Variants in VARS2 observed in about 807,000 individuals in gnomAD.
The protein encoded by VARS2 is valine--tRNA ligase, mitochondrial.
A neutral mutation model predicts 154.1 loss-of-function variants in VARS2; 105 were observed. The ratio of observed to expected loss-of-function variants is 0.68; its 90% CI spans 0.58 to 0.80. The LOEUF (loss-of-function observed/expected upper bound fraction) is 0.80, where lower values mean the gene tolerates loss of function less well. Among genes scored for constraint, VARS2 ranks in the 30% least tolerant of loss-of-function variants. The probability of loss-of-function intolerance (pLI) is 0.00; values close to 1 mark genes in which losing one functional copy is unlikely to be tolerated. For missense variants in VARS2, 1,157 were observed against 1,361.4 expected, an observed-to-expected ratio of 0.85 and a Z score of 2.36; for synonymous variants, 483 against 539.5, an observed-to-expected ratio of 0.90 and a Z score of 1.45.
rs772838927 is a variant in VARS2 at position 30,914,918 on chromosome 6, G to A, written c.82G>A (p.Val28Ile). 2.7e-5 allele frequency: 44 copies of A among 1,612,858 alleles called. No homozygotes were observed. Among genetic ancestry groups the A allele is most frequent in the Non-Finnish European group, 3.6e-5 (43 of 1,180,024 alleles). ...ACGGGGCCTCCCCAGGTTTCACTCC[G>A]TTTCTACACAGTCGGAGCCCCATGG... The part of the protein sequence containing the change: ...HSRGLPRFHS[V>I]STQSEPHGSP... The change falls in exon 2 of 30, where the codon GTT becomes ATT. Residue 28 changes from valine (V) to isoleucine (I), a missense_variant. Val to Ile is a conservative substitution (Grantham distance 29). Coordinates refer to ENST00000676266, the MANE Select transcript of VARS2 (RefSeq NM_020442.6).
intron 2 of VARS2, 46 bp downstream of exon 2, chr6:30,915,083 G>GGGCTGGAGGAGACC (rs1204668343): frequency 6.8e-6 from 11 of 1,610,812 alleles, no homozygotes; most frequent in African/African-American, 2.7e-5. Flanking sequence ...GACTTGAGAG[G>GGGCTGGAGGAGACC]GGCTGGAGGA....
rs2150567033 is a variant in VARS2, at chr6:30,923,479, C to T, written c.2440C>T (p.Leu814Phe). 1 of 1,611,802 alleles carries T rather than the reference C, an allele frequency of 6.2e-7. No individual in the cohort carries two copies. The highest frequency in any genetic ancestry group is 1.3e-5 in the African/African-American group (1 of 75,070). Residue 814 changes from leucine (L) to phenylalanine (F), a missense_variant, in exon 25 of 30, where the codon CTT becomes TTT. Physicochemically the swap from Leu to Phe is conservative, Grantham distance 22. Transcript: ENST00000676266. ...LVTHALHHFW[L>F]HNLCDVYLEA... is the part of the protein sequence containing the mutation. ...CACTCATGCCCTGCACCACTTCTGG[C>T]TTCACAACCTCTGTGACGTCTACCT...
At position 30,920,362 on chromosome 6, in the gene VARS2, G is replaced by A; in HGVS notation, c.1323G>A (p.Lys441=). 2 of 1,613,280 alleles carry A rather than the reference G, an allele frequency of 1.2e-6. No homozygotes were observed. Among genetic ancestry groups the A allele is most frequent in the Non-Finnish European group, 1.7e-6 (2 of 1,179,674 alleles). ...TTCACCGGTTTGTGGCCCGGGAAAA[G>A]ATAATGTCTGTGCTGAGTGAATGGG... ...QGLHRFVARE[K]IMSVLSEWGL... Residue 441 remains lysine (K), a synonymous_variant, in exon 14 of 30, where the codon AAG becomes AAA. Transcript: ENST00000676266. The surrounding 1 kb of genome is among the most constrained non-coding windows in gnomAD (Gnocchi z 4.6).
At position 30,925,879 on chromosome 6, in the gene VARS2, G is replaced by A. The variant is rs1794805438; in HGVS notation, c.2962-1G>A. The A allele has an allele frequency of 6.2e-7, 1 of 1,612,606 alleles. No homozygotes were observed. The highest frequency in any genetic ancestry group is 1.3e-5 in the African/African-American group (1 of 74,926). ...AGCCTTTTCTCCCTGTTCTTCCCCA[G>A]GGCCTGGTGGACCCGCAGATCCAGC... On this transcript the variant is annotated splice_acceptor_variant, in intron 28 of 29. Transcript: ENST00000676266. LOFTEE classifies it high-confidence loss of function.
At chr6:30,918,654 A>C in intron 10 of VARS2, 173 bp from the exon 11 acceptor site, 1 of 559,324 alleles carries the variant, frequency 1.8e-6, no homozygotes, top group Non-Finnish European at 3.3e-6. Flanking sequence ...CTTATGGGAA[A>C]CCCTGGGTTC....
chr6:30,917,721 C>T lies in VARS2; in HGVS notation c.900C>T (p.His300=). Reference sequence around the variant, plus strand: ...TGGAGAACCGGCCCCTGCCTGGCCACACACAGCTTCGACTGCCTGGCTGCC... The same window carrying T: ...TGGAGAACCGGCCCCTGCCTGGCCATACACAGCTTCGACTGCCTGGCTGCC... ...IEVENRPLPG[H]TQLRLPGCPT... is the part of the protein sequence containing the mutation. Residue 300 remains histidine, a synonymous_variant, in exon 10 of 30, where the codon CAC becomes CAT. Transcript: ENST00000676266. The surrounding 1 kb of genome is among the most constrained non-coding windows in gnomAD (Gnocchi z 4.4). 1.3e-6 allele frequency: 2 copies of T among 1,565,682 alleles called. No homozygotes were observed. Among genetic ancestry groups the T allele is most frequent in the Non-Finnish European group, 1.7e-6 (2 of 1,154,628 alleles).
At position 30,914,995 on chromosome 6, in the gene VARS2, G is replaced by A; in HGVS notation, c.159G>A (p.Glu53=). Reference sequence around the variant, plus strand: ...AAGCCAAACAGAAGCGCCTGCGAGAGAAGCAGGCGACTCTGGAGGCTGAGA... The same window carrying A: ...AAGCCAAACAGAAGCGCCTGCGAGAAAAGCAGGCGACTCTGGAGGCTGAGA... ...NREAKQKRLR[E]KQATLEAEIA... The change falls in exon 2 of 30, where the codon GAG becomes GAA. Residue 53 remains glutamate (E), a synonymous_variant. Transcript: ENST00000676266. 6.2e-7 allele frequency: 1 copy of A among 1,613,424 alleles called. No homozygotes were observed. The highest frequency in any genetic ancestry group is 8.5e-7 in the Non-Finnish European group (1 of 1,180,020).
rs1226504965 is a variant in VARS2, at chr6:30,922,836, C to T, written c.2106+62C>T. The T allele has an allele frequency of 2.5e-6, 4 of 1,582,638 alleles. No homozygotes were observed. The African/African-American group carries it at 5.4e-5, about 21-fold the overall frequency. On this transcript the variant is annotated intron_variant, in intron 22 of 29. Transcript: ENST00000676266. ...TCACCACCTCTGGCTTCCTCTGCAA[C>T]CCAGGTCCTGGCCCTGCAGCCACAA...
At position 30,925,334 on chromosome 6, in the gene VARS2, G is replaced by A. The variant is rs1794766631; in HGVS notation, c.2734G>A (p.Val912Met). 6.2e-7 allele frequency: 1 copy of A among 1,612,658 alleles called. No homozygotes were observed. The highest frequency in any genetic ancestry group is 8.5e-7 in the Non-Finnish European group (1 of 1,179,822). ...CTCCCGGGTCCAAGAGGTCGTGCAG[G>A]TGCTAAGGGCTCTCCGAGCCACGTA... is the stretch of plus-strand genomic sequence containing the variant. ...RFSRVQEVVQ[V>M]LRALRATYQL... Residue 912 changes from valine (V) to methionine (M), a missense_variant, in exon 27 of 30, where the codon GTG becomes ATG. Transcript: ENST00000676266.
chr6:30,917,974 T>C lies in VARS2; in HGVS notation c.985+168T>C, dbSNP rs1423001405. ...GGTCTTCTGGGGGATGTACAAAAAG[T>C]GCATGTGGTCACTGCCCTTTGAGAG... On this transcript the variant is annotated intron_variant, in intron 10 of 29. Transcript: ENST00000676266. The surrounding 1 kb of genome is among the most constrained non-coding windows in gnomAD (Gnocchi z 4.4). 6.6e-6 allele frequency among the ~76,000 whole-genome samples: 1 copy of C among 152,222 alleles called. No individual in the cohort carries two copies. The highest frequency in any genetic ancestry group is 1.5e-5 in the Non-Finnish European group (1 of 68,046).
chr6:30,919,420 C>T lies in VARS2; in HGVS notation c.1075-338C>T, dbSNP rs1250545867. 1.7e-5 allele frequency: 4 copies of T among 237,202 alleles called. No individual in the cohort carries two copies. The highest frequency in any genetic ancestry group is 3.2e-5 in the Non-Finnish European group (4 of 123,856). 14.7% of individuals were successfully genotyped at this position (237,202 alleles called of 1,614,324 possible). ...CAGGATAGTCTCGATCTCCTGACCT[C>T]GTGATCTGCCCACCTCGGCCTCCCA... On this transcript the variant is annotated intron_variant, in intron 11 of 29. Transcript: ENST00000676266. This position sits in a 1 kb window ranked among gnomAD's most constrained non-coding sequence, Gnocchi z 4.5.
Position 30,925,305 on chromosome 6 carries a change from G to C in VARS2, c.2705G>C (p.Arg902Pro), listed in dbSNP as rs183762975. ...EHWRQPELER[R>P]FSRVQEVVQV... Reference sequence around the variant, plus strand: ...TGGCGCCAGCCAGAGCTGGAGCGGCGCTTCTCCCGGGTCCAAGAGGTCGTG... The same window carrying C: ...TGGCGCCAGCCAGAGCTGGAGCGGCCCTTCTCCCGGGTCCAAGAGGTCGTG... The change falls in exon 27 of 30, where the codon CGC becomes CCC. Residue 902 changes from arginine (R) to proline (P), a missense_variant. Coordinates refer to ENST00000676266, the MANE Select transcript of VARS2 (RefSeq NM_020442.6). The C allele has an allele frequency of 6.2e-7, 1 of 1,612,476 alleles. No homozygotes were observed. The highest frequency in any genetic ancestry group is 1.3e-5 in the African/African-American group (1 of 75,048).
At chr6:30,914,779 T>G (rs1436366336) in intron 1 of VARS2, 31 bp from the exon 2 acceptor site, 1 of 1,595,610 alleles carries the variant, frequency 6.3e-7, no homozygotes, top group East Asian at 2.2e-5. Context: ...CACCCCCATA[T>G]CCTAATGTGC....
chr6:30,923,107 G>T lies in VARS2; in HGVS notation c.2189G>T (p.Gly730Val), dbSNP rs764622748. The change falls in exon 24 of 30, where the codon GGC becomes GTC. Residue 730 changes from glycine (G) to valine (V), a missense_variant. By Grantham distance (109) the Gly-to-Val change is moderately radical (BLOSUM62 -3). Transcript: ENST00000676266. ...FTLCSHGVQAGDLHLSVSEVQ... is the reference protein window; with the variant it reads ...FTLCSHGVQAVDLHLSVSEVQ... ...TACCTCGATTCTTCCCTTCCAGCGGGCGACTTGCACCTGTCAGTCTCTGAG... is the reference window on the plus strand; with the variant it reads ...TACCTCGATTCTTCCCTTCCAGCGGTCGACTTGCACCTGTCAGTCTCTGAG... 6.2e-7 allele frequency: 1 copy of T among 1,613,006 alleles called. No homozygotes were observed. Among genetic ancestry groups the T allele is most frequent in the South Asian group, 1.1e-5 (1 of 91,084 alleles).
intron 1 of VARS2, 160 bp downstream of exon 1, chr6:30,914,504 C>CATTAAAAAA: frequency 7.5e-7 from 1 of 1,335,278 alleles, no homozygotes; most frequent in Non-Finnish European, 9.5e-7. Context: ...GGACTCCTTG[C>CATTAAAAAA]TGGCTCTTGG....
chr6:30,915,725 T>G (rs1245121121), intron 4 of VARS2, 21 bp from the exon 5 acceptor site: 6 of 1,612,328 alleles, frequency 3.7e-6, no homozygotes, highest in Non-Finnish European at 5.1e-6. Context: ...CTTGCCCCTT[T>G]GACTTTTTTT....
In VARS2 at chr6:30,922,266, G is replaced by A. The variant is rs1276104561; in HGVS notation, c.1932+25G>A. The A allele has an allele frequency of 8.7e-6, 14 of 1,603,786 alleles. 1 individual carries two copies. The South Asian group carries it at 1.1e-4, about 13-fold the overall frequency. Reference sequence around the variant, plus strand: ...GGTAAGAGCCCTTCAGTGCCCTGCCGCTTTCTGTGACTCCAGTGTTCCCCA... The same window carrying A: ...GGTAAGAGCCCTTCAGTGCCCTGCCACTTTCTGTGACTCCAGTGTTCCCCA... On this transcript the variant is annotated intron_variant, in intron 20 of 29. Transcript: ENST00000676266.
rs1473675784 is a variant in VARS2, at chr6:30,916,323, T to A, written c.671+74T>A. On this transcript the variant is annotated intron_variant, in intron 7 of 29. Coordinates refer to ENST00000676266, the MANE Select transcript of VARS2 (RefSeq NM_020442.6). The surrounding 1 kb of genome is among the most constrained non-coding windows in gnomAD (Gnocchi z 4.0). ...TCTTGCCTCCCACCACTATCACTCC[T>A]GACTTGTAATCCTTGGCTCTTCCCG... 7.9e-7 allele frequency: 1 copy of A among 1,264,092 alleles called. No homozygotes were observed. Among genetic ancestry groups the A allele is most frequent in the Non-Finnish European group, 1.1e-6 (1 of 911,380 alleles). 78.3% of individuals were successfully genotyped at this position (1,264,092 alleles called of 1,614,324 possible). A position where few individuals can be genotyped will look rare whatever the true frequency, so the allele number is the denominator to read the frequency against.
chr6:30,925,298 G>C lies in VARS2; in HGVS notation c.2698G>C (p.Glu900Gln), dbSNP rs1259722131. The change falls in exon 27 of 30, where the codon GAG (glutamate) becomes CAG (glutamine). Residue 900 changes from glutamate (E) to glutamine (Q), a missense_variant. By Grantham distance (29) the Glu-to-Gln change is conservative. Coordinates refer to ENST00000676266, the MANE Select transcript of VARS2 (RefSeq NM_020442.6). ...SLEHWRQPEL[E>Q]RRFSRVQEVV... ...GGAGCACTGGCGCCAGCCAGAGCTGGAGCGGCGCTTCTCCCGGGTCCAAGA... is the reference window on the plus strand; with the variant it reads ...GGAGCACTGGCGCCAGCCAGAGCTGCAGCGGCGCTTCTCCCGGGTCCAAGA... 3.1e-6 allele frequency: 5 copies of C among 1,612,316 alleles called. No homozygotes were observed. Among genetic ancestry groups the C allele is most frequent in the Non-Finnish European group, 3.4e-6 (4 of 1,179,776 alleles).
Sources: allele counts gnomAD v4.1 joint callset (sites outside exome capture counted in the v4.1 genomes callset), GRCh38; gene constraint gnomAD v4.1.1; non-coding constraint Gnocchi (gnomAD v3.1); transcripts MANE v1.5; gene names NCBI Gene and HGNC (gene_info 2026-07-23, HGNC 2026-07-21).